The following LINGO2 variants were observed in gnomAD, a reference collection of about 807,000 sequenced individuals.
The protein encoded by LINGO2 is leucine-rich repeat and immunoglobulin-like domain-containing nogo receptor-interacting protein 2.
In LINGO2, 14 loss-of-function variants were observed where a neutral mutation model predicts 30.6. That is an observed-to-expected ratio of 0.46 (90% CI 0.30 to 0.72). The LOEUF is 0.72. Among genes scored for constraint, LINGO2 ranks in the 30% least tolerant of loss-of-function variants. LINGO2 has a pLI of 0.07. For synonymous variants in LINGO2, 317 were observed against 288.5 expected, an observed-to-expected ratio of 1.10 and a Z score of -1.00; for missense variants, 729 against 751.7, an observed-to-expected ratio of 0.97 and a Z score of 0.35.
At chr9:27,950,123 G>A (rs745453588) in exon 6 of LINGO2, 2 of 1,614,004 alleles carry the variant, frequency 1.2e-6, no homozygotes, top group South Asian at 1.1e-5. Context: ...ATTTCTCCAG[G>A]GTGAGCTGCT....
At chr9:28,995,015 A>T in the LINGO2 span, among the ~76,000 whole-genome samples, 1 of 152,094 alleles carries the variant, frequency 6.6e-6, no homozygotes, top group Non-Finnish European at 1.5e-5. Context: ...CAAAATTGAC[A>T]AATGGGATCT....
the LINGO2 span, among the ~76,000 whole-genome samples, chr9:29,019,268 A>G: frequency 6.6e-6 from 1 of 152,086 alleles, no homozygotes; most frequent in Non-Finnish European, 1.5e-5. Context: ...TTCAAATTTT[A>G]TTTTTTGGTG....
chr9:28,775,933 G>C, the LINGO2 span, among the ~76,000 whole-genome samples: 1 of 152,088 alleles, frequency 6.6e-6, no homozygotes, highest in Non-Finnish European at 1.5e-5. Context: ...CTTCTCCTTT[G>C]CTTCAAAATC....
the LINGO2 span, among the ~76,000 whole-genome samples, chr9:29,090,326 T>A: frequency 6.6e-6 from 1 of 152,052 alleles, no homozygotes; most frequent in Non-Finnish European, 1.5e-5. Context: ...GTTCAAATGT[T>A]CCTCTTCTCT....
In LINGO2 at chr9:28,556,346, C is replaced by G. The variant is rs180996032; in HGVS notation, c.-364-80321G>C. ...CAAAATTCACAAGCATTCTTATACA[C>G]CAACAACAGACAAACAGAGAGCCAA... is the stretch of plus-strand genomic sequence containing the variant. On this transcript the variant is annotated intron_variant, in intron 1 of 5. Transcript: ENST00000379992. Among the ~76,000 whole-genome samples, 893 of 150,468 alleles carry G rather than the reference C, an allele frequency of 5.9e-3. 3 individuals are homozygous for G. The highest frequency in any genetic ancestry group is 0.012 in the Admixed American group (188 of 15,196).
At chr9:28,319,323 C>G (rs1824954179) in intron 3 of LINGO2, among the ~76,000 whole-genome samples, 1 of 152,164 alleles carries the variant, frequency 6.6e-6, no homozygotes. Flanking sequence ...ATCTCTGCTC[C>G]TTCTTTCATC....
upstream of LINGO2, among the ~76,000 whole-genome samples, chr9:28,673,357 A>G (rs1378784671): frequency 7.2e-5 from 11 of 152,088 alleles, no homozygotes; most frequent in Admixed American, 7.2e-4. Flanking sequence ...CAGCAGAAAG[A>G]TATTAGTAAT....
the LINGO2 span, among the ~76,000 whole-genome samples, chr9:28,703,464 C>G: frequency 6.6e-6 from 1 of 151,692 alleles, no homozygotes; most frequent in East Asian, 1.9e-4. Context: ...TCACTCTGGT[C>G]TGAGAACAGA....
intron 1 of LINGO2, among the ~76,000 whole-genome samples, chr9:28,483,872 G>T (rs1826067595): frequency 6.6e-6 from 1 of 151,852 alleles, no homozygotes; most frequent in Non-Finnish European, 1.5e-5. Context: ...GAAAAGGATT[G>T]TTTTAAACAC....
chr9:28,484,296 A>C (rs1004026531), intron 1 of LINGO2, among the ~76,000 whole-genome samples: 2 of 152,080 alleles, frequency 1.3e-5, no homozygotes, highest in African/African-American at 4.8e-5. Context: ...CTTAGCACCA[A>C]GAATGGAGCT....
chr9:28,349,757 G>A lies in LINGO2; in HGVS notation c.-246+23079C>T, dbSNP rs1165067899. Among the ~76,000 whole-genome samples the A allele has an allele frequency of 6.9e-4, 103 of 150,190 alleles. 1 individual carries two copies. Among genetic ancestry groups the A allele is most frequent in the African/African-American group, 2.1e-3 (86 of 40,804 alleles). On this transcript the variant is annotated intron_variant, in intron 3 of 5. Transcript: ENST00000379992. Reference sequence around the variant, plus strand: ...TTAAGGGCAGCCAGAGAGAAAGGTCGGGTTACCCTCAAAGGGAAGCCCATC... The same window carrying A: ...TTAAGGGCAGCCAGAGAGAAAGGTCAGGTTACCCTCAAAGGGAAGCCCATC...
At chr9:27,989,025 C>T (rs1587625807) in intron 5 of LINGO2, among the ~76,000 whole-genome samples, 1 of 151,956 alleles carries the variant, frequency 6.6e-6, no homozygotes, top group Non-Finnish European at 1.5e-5. Flanking sequence ...TACCACTGCT[C>T]ACCAACCTGA....
intron 5 of LINGO2, among the ~76,000 whole-genome samples, chr9:27,992,890 T>C (rs1339601027): frequency 1.3e-5 from 2 of 152,136 alleles, no homozygotes; most frequent in African/African-American, 4.8e-5. Flanking sequence ...AGACTTTCTA[T>C]ACATAGACAC....
At chr9:28,554,637 C>T (rs1369795029) in intron 1 of LINGO2, among the ~76,000 whole-genome samples, 1 of 99,920 alleles carries the variant, frequency 1.0e-5, no homozygotes, top group Non-Finnish European at 2.0e-5. Flanking sequence ...CTCAGCTCTG[C>T]ACCAAGCAGA....
At chr9:28,479,912 TATATA>T (rs1825880973) in intron 1 of LINGO2, among the ~76,000 whole-genome samples, 2 of 12,732 alleles carry the variant, frequency 1.6e-4, no homozygotes, top group Non-Finnish European at 1.8e-4. Context: ...TATACGTAGG[TATATA>T]TATATATATA....
the LINGO2 span, among the ~76,000 whole-genome samples, chr9:29,167,905 C>T: frequency 6.6e-6 from 1 of 152,140 alleles, no homozygotes; most frequent in African/African-American, 2.4e-5. Context: ...TCATTTCTTT[C>T]TACCAAGAGG....
chr9:28,074,985 T>C (rs989694981), intron 4 of LINGO2, among the ~76,000 whole-genome samples: 1 of 151,086 alleles, frequency 6.6e-6, no homozygotes, highest in African/African-American at 2.4e-5. Flanking sequence ...ATGTATTATA[T>C]ATAAAATATA....
At chr9:28,744,609 C>CGTGTGTGGGTGTGTGTGT in the LINGO2 span, among the ~76,000 whole-genome samples, 1 of 133,954 alleles carries the variant, frequency 7.5e-6, no homozygotes. Flanking sequence ...ATATTCCCCT[C>CGTGTGTGGGTGTGTGTGT]GTGTGTGTGT....
the LINGO2 span, among the ~76,000 whole-genome samples, chr9:28,791,820 A>G: frequency 2.0e-5 from 3 of 151,916 alleles, no homozygotes; most frequent in Non-Finnish European, 4.4e-5. Flanking sequence ...GACAAAAATA[A>G]TATCAGATAC....
Sources: allele counts gnomAD v4.1 joint callset (sites outside exome capture counted in the v4.1 genomes callset), GRCh38; gene constraint gnomAD v4.1.1; transcripts MANE v1.5; gene names NCBI Gene and HGNC (gene_info 2026-07-23, HGNC 2026-07-21).